CLASP2: variants seen among roughly 807,000 people sequenced by gnomAD.
CLASP2 encodes cytoplasmic linker associated protein 2.
In CLASP2, 47 loss-of-function variants were observed where a neutral mutation model predicts 194.4. The ratio of observed to expected loss-of-function variants is 0.24; its 90% CI spans 0.19 to 0.31. The LOEUF is 0.31. CLASP2 is among the 10% of genes least tolerant of loss of function. The pLI is 1.00. For synonymous variants in CLASP2, 619 were observed against 633.5 expected, an observed-to-expected ratio of 0.98 and a Z score of 0.34; for missense variants, 1,445 against 1,823.6, an observed-to-expected ratio of 0.79 and a Z score of 3.78.
rs866467147 is a variant in CLASP2, at chr3:33,675,070, C to T, written c.644+9289G>A. 2.2e-3 allele frequency among the ~76,000 whole-genome samples: 335 copies of T among 152,258 alleles called. 5 individuals are homozygous for T. The highest frequency in any genetic ancestry group is 7.8e-3 in the African/African-American group (324 of 41,540). On this transcript the variant is annotated intron_variant, in intron 6 of 38. Transcript: ENST00000682230. ...CCAATCAATAGAAAAAGAGGGAATC[C>T]TCCCTAACTCATTTTATGAGGCCAG...
At chr3:33,687,646 A>C (rs2090852800) in intron 4 of CLASP2, among the ~76,000 whole-genome samples, 2 of 152,252 alleles carry the variant, frequency 1.3e-5, no homozygotes, top group Admixed American at 6.5e-5. Context: ...AAAGAAAATA[A>C]GTGAAAATAT....
intron 6 of CLASP2, among the ~76,000 whole-genome samples, chr3:33,672,276 T>A (rs1268006168): frequency 6.6e-6 from 1 of 152,176 alleles, no homozygotes; most frequent in Admixed American, 6.5e-5. Flanking sequence ...ACAGCAGCAT[T>A]CGCGGTTCAC....
In CLASP2 at chr3:33,718,033, G is replaced by C. The variant is rs757544650; in HGVS notation, c.-31C>G. ...CGGCCGCCCGCCCGCCTGCCAGTCT[G>C]TGAGCGGCCAACTTTCGCCGAGAGC... On this transcript the variant is annotated 5_prime_UTR_variant, in exon 1 of 39. Transcript: ENST00000682230. 75 of 1,452,358 alleles carry C rather than the reference G, an allele frequency of 5.2e-5. No homozygotes were observed. Among genetic ancestry groups the C allele is most frequent in the Non-Finnish European group, 6.6e-5 (73 of 1,110,654 alleles). 90.0% of individuals were successfully genotyped at this position (1,452,358 alleles called of 1,614,324 possible).
rs9849106 is a variant in CLASP2 at position 33,705,847 on chromosome 3, C to T, written c.196-8914G>A. ...AAAAATGAAGACTACCCTAATTCTG[C>T]TATGCAATGATTTCCACAGTATACT... On this transcript the variant is annotated intron_variant, in intron 1 of 38. Coordinates refer to ENST00000682230, the MANE Select transcript of CLASP2 (RefSeq NM_001365631.1). Among the ~76,000 whole-genome samples, 1,111 of 152,162 alleles carry T rather than the reference C, an allele frequency of 7.3e-3. 16 individuals are homozygous for T. Among genetic ancestry groups the T allele is most frequent in the African/African-American group, 0.025 (1,028 of 41,504 alleles).
rs570365071 is a variant in CLASP2, at chr3:33,535,328, T to C, written c.3692A>G (p.Tyr1231Cys). The C allele has an allele frequency of 5.0e-6, 8 of 1,613,872 alleles. No individual in the cohort carries two copies. The East Asian group carries it at 8.9e-5, about 18-fold the overall frequency. The stretch of plus-strand genomic sequence containing the variant: ...GCTATCTGAATAGTTATATGGATTA[T>C]AGTCTCGAGAGCGTGGAGAGGAGTG... ...PTHSSPRSRD[Y>C]NPYNYSDSIS... is the part of the protein sequence containing the mutation. Residue 1231 changes from tyrosine to cysteine, a missense_variant, in exon 34 of 39, where the codon TAT becomes TGT. Coordinates refer to ENST00000682230, the MANE Select transcript of CLASP2 (RefSeq NM_001365631.1).
intron 31 of CLASP2, among the ~76,000 whole-genome samples, 193 bp downstream of exon 31, chr3:33,544,505 T>C (rs1240388556): frequency 6.6e-6 from 1 of 152,148 alleles, no homozygotes; most frequent in Non-Finnish European, 1.5e-5. Flanking sequence ...CAAATTATAA[T>C]ATAATATAAA....
At chr3:33,553,883 G>A (rs558693339) in intron 29 of CLASP2, among the ~76,000 whole-genome samples, 1 of 152,216 alleles carries the variant, frequency 6.6e-6, no homozygotes, top group African/African-American at 2.4e-5. Flanking sequence ...TCAGAACGTG[G>A]AAGTGACATC....
At chr3:33,639,278 G>A (rs1302559295) in intron 8 of CLASP2, among the ~76,000 whole-genome samples, 6 of 151,982 alleles carry the variant, frequency 3.9e-5, no homozygotes, top group South Asian at 4.2e-4. Context: ...GGCTGGTTTC[G>A]AACTCCTGGG....
At chr3:33,666,158 A>G (rs535907972) in intron 6 of CLASP2, among the ~76,000 whole-genome samples, 1 of 152,346 alleles carries the variant, frequency 6.6e-6, no homozygotes, top group South Asian at 2.1e-4. Context: ...GAAAGAGACA[A>G]TTAGGTATCT....
At chr3:33,599,246 T>A (rs1425572725) in intron 18 of CLASP2, among the ~76,000 whole-genome samples, 1 of 152,140 alleles carries the variant, frequency 6.6e-6, no homozygotes, top group Non-Finnish European at 1.5e-5. Context: ...CACCTCAGCC[T>A]CCCTAGTAGA....
chr3:33,571,955 A>C (rs1244423932), intron 25 of CLASP2, among the ~76,000 whole-genome samples: 1 of 152,246 alleles, frequency 6.6e-6, no homozygotes, highest in Admixed American at 6.5e-5. Flanking sequence ...TTAAAAGTTA[A>C]GAAGAAAAAT....
chr3:33,570,934 G>A, intron 25 of CLASP2, 144 bp from the exon 26 acceptor site: 1 of 668,010 alleles, frequency 1.5e-6, no homozygotes, highest in Non-Finnish European at 2.4e-6. Context: ...CTAGCATTTT[G>A]GGAGGCTGAG....
intron 7 of CLASP2, among the ~76,000 whole-genome samples, chr3:33,654,401 G>A (rs766739718): frequency 6.6e-6 from 1 of 152,122 alleles, no homozygotes; most frequent in East Asian, 1.9e-4. Flanking sequence ...TTTAATAGAA[G>A]GATTGGGTGA....
At position 33,559,371 on chromosome 3, in the gene CLASP2, T is replaced by C; in HGVS notation, c.2945A>G (p.Asn982Ser). 1.3e-6 allele frequency: 2 copies of C among 1,590,874 alleles called. No homozygotes were observed. Among genetic ancestry groups the C allele is most frequent in the Non-Finnish European group, 1.7e-6 (2 of 1,166,120 alleles). ...ALDVTRESFPNDLQFNILMRF... is the reference protein window; with the variant it reads ...ALDVTRESFPSDLQFNILMRF... ...CATTAGAATATTGAACTGAAGATCA[T>C]TTGGAAAAGACTCTCTGAAACAAGA... is the stretch of plus-strand genomic sequence containing the variant. The change falls in exon 29 of 39, where the codon AAT becomes AGT. Residue 982 changes from asparagine (N) to serine (S), a missense_variant. Asn to Ser is a conservative substitution (Grantham distance 46). This residue lies in a region of CLASP2 where 732 missense variants were observed against 987.9 expected (regional missense o/e 0.74). Coordinates refer to ENST00000682230, the MANE Select transcript of CLASP2 (RefSeq NM_001365631.1).
intron 6 of CLASP2, among the ~76,000 whole-genome samples, chr3:33,665,112 A>AG (rs2085964097): frequency 6.6e-6 from 1 of 152,092 alleles, no homozygotes; most frequent in African/African-American, 2.4e-5. Context: ...CAAAAAAAAA[A>AG]AAAGAAAGAA....
intron 37 of CLASP2, 75 bp from the exon 38 acceptor site, chr3:33,501,843 A>G: frequency 1.1e-6 from 1 of 899,172 alleles, no homozygotes. Context: ...GGGTCAGAAG[A>G]TGCAGCTGAA....
chr3:33,716,704 TAATC>T (rs1329804383), intron 1 of CLASP2, among the ~76,000 whole-genome samples: 1 of 152,200 alleles, frequency 6.6e-6, no homozygotes, highest in Non-Finnish European at 1.5e-5. Context: ...TTAAAAATAA[TAATC>T]AAGAGATGGT....
At chr3:33,534,029 C>T (rs551934335) in intron 34 of CLASP2, among the ~76,000 whole-genome samples, 54 of 152,042 alleles carry the variant, frequency 3.6e-4, no homozygotes, top group Non-Finnish European at 6.0e-4. Flanking sequence ...ACTGTTCTTA[C>T]GATGCCTGAC....
chr3:33,585,339 C>T (rs1444708494), intron 21 of CLASP2, among the ~76,000 whole-genome samples: 6 of 152,086 alleles, frequency 3.9e-5, no homozygotes, highest in Admixed American at 2.6e-4. Flanking sequence ...TTCTGAGAAA[C>T]GTGTTGTTGG....
Sources: gnomAD v4.1 joint callset for allele counts (sites outside exome capture counted in the v4.1 genomes callset) on GRCh38, gnomAD v4.1.1 for gene constraint, gnomAD v4.1.1 regional missense constraint, MANE v1.5 for transcripts, NCBI Gene and HGNC (gene_info 2026-07-23, HGNC 2026-07-21) for gene names.